The following TAFA5 variants were observed in gnomAD, a reference collection of about 807,000 sequenced individuals.
The protein encoded by TAFA5 is TAFA chemokine like family member 5, also known as chemokine-like protein TAFA-5.
In TAFA5, 6 loss-of-function variants were observed where a neutral mutation model predicts 15.3. That is an observed-to-expected ratio of 0.39 (90% CI 0.21 to 0.77). The LOEUF (loss-of-function observed/expected upper bound fraction) is 0.77, where lower values mean the gene tolerates loss of function less well. TAFA5 is among the 30% of genes least tolerant of loss of function. The probability of loss-of-function intolerance (pLI) is 0.41; values close to 1 mark genes in which losing one functional copy is unlikely to be tolerated. For missense variants in TAFA5, 161 were observed against 193.1 expected, an observed-to-expected ratio of 0.83 and a Z score of 0.98; for synonymous variants, 103 against 80.7, an observed-to-expected ratio of 1.28 and a Z score of -1.48.
chr22:48,749,668 GC>G (rs1479019917), intron 3 of TAFA5, among the ~76,000 whole-genome samples, 170 bp from the exon 4 acceptor site: 8 of 152,156 alleles, frequency 5.3e-5, no homozygotes, highest in African/African-American at 1.9e-4. Flanking sequence ...GGATTTGGGG[GC>G]ACTGTCTGGT....
rs979451911 is a variant in TAFA5 at position 48,742,268 on chromosome 22, G to A, written c.391-7571G>A. On this transcript the variant is annotated intron_variant, in intron 3 of 3. Transcript: ENST00000402357. This position sits in a 1 kb window ranked among gnomAD's most constrained non-coding sequence, Gnocchi z 6.2. ...GCCCCTCATCCTTCACCAGGCACAG[G>A]TGCACGGGGCCCCTGCCAGGTTCGG... 1.3e-5 allele frequency among the ~76,000 whole-genome samples: 2 copies of A among 152,098 alleles called. No homozygotes were observed. Among genetic ancestry groups the A allele is most frequent in the Non-Finnish European group, 2.9e-5 (2 of 68,020 alleles).
At chr22:48,511,853 G>A (rs866361712) in intron 1 of TAFA5, among the ~76,000 whole-genome samples, 9 of 152,362 alleles carry the variant, frequency 5.9e-5, no homozygotes, top group East Asian at 5.8e-4. Context: ...CCCCGAAGCC[G>A]AGGCTGATGT....
chr22:48,646,009 C>T (rs1372642813), intron 1 of TAFA5, among the ~76,000 whole-genome samples: 1 of 152,196 alleles, frequency 6.6e-6, no homozygotes, highest in Non-Finnish European at 1.5e-5. Flanking sequence ...AAATCCTGAA[C>T]CCTTTGGCAT....
chr22:48,683,199 A>T (rs1488043193), intron 2 of TAFA5, among the ~76,000 whole-genome samples: 2 of 151,968 alleles, frequency 1.3e-5, no homozygotes, highest in African/African-American at 4.8e-5. Flanking sequence ...ACACACACAC[A>T]CTCGGGGCAC....
intron 3 of TAFA5, among the ~76,000 whole-genome samples, chr22:48,716,523 T>C (rs1490702952): frequency 1.3e-5 from 2 of 151,416 alleles, no homozygotes; most frequent in East Asian, 3.9e-4. Flanking sequence ...TGTTGGGAGG[T>C]GGGGGGCCAG....
chr22:48,624,123 C>T (rs1042601387), intron 1 of TAFA5, among the ~76,000 whole-genome samples: 2 of 152,218 alleles, frequency 1.3e-5, no homozygotes, highest in Non-Finnish European at 2.9e-5. Context: ...ATGACCCTGA[C>T]AGTTTTGAGG....
chr22:48,575,677 C>G (rs1422765674), intron 1 of TAFA5, among the ~76,000 whole-genome samples: 2 of 146,014 alleles, frequency 1.4e-5, no homozygotes, highest in Non-Finnish European at 3.0e-5. Context: ...GACCTAGTCC[C>G]GGCCGCGGCG....
chr22:48,744,502 G>A (rs938346750), intron 3 of TAFA5, among the ~76,000 whole-genome samples: 39 of 152,158 alleles, frequency 2.6e-4, no homozygotes, highest in Admixed American at 1.6e-3. Context: ...GATTGGAGCC[G>A]GGTCCCAGTC....
At chr22:48,590,921 G>T (rs1358075269) in intron 1 of TAFA5, among the ~76,000 whole-genome samples, 1 of 150,910 alleles carries the variant, frequency 6.6e-6, no homozygotes, top group Non-Finnish European at 1.5e-5. Context: ...GCATGATCTT[G>T]GCTCACTGCA....
intron 3 of TAFA5, among the ~76,000 whole-genome samples, chr22:48,712,742 C>T (rs769075427): frequency 5.3e-5 from 8 of 152,336 alleles, no homozygotes; most frequent in South Asian, 2.1e-4. Flanking sequence ...CTTCTTGGCC[C>T]GCCACTCTGG....
chr22:48,686,635 G>A (rs1175179175), intron 2 of TAFA5, among the ~76,000 whole-genome samples: 2 of 152,240 alleles, frequency 1.3e-5, no homozygotes, highest in Non-Finnish European at 2.9e-5. Context: ...AGAATGGATG[G>A]ATGGATGGAC....
intron 1 of TAFA5, among the ~76,000 whole-genome samples, chr22:48,600,177 CAG>C (rs1271924319): frequency 2.6e-5 from 4 of 152,226 alleles, no homozygotes; most frequent in African/African-American, 9.6e-5. Context: ...TCCCCTGTGT[CAG>C]TGATCCTATG....
intron 2 of TAFA5, among the ~76,000 whole-genome samples, chr22:48,690,759 G>A (rs1033204261): frequency 5.9e-5 from 9 of 152,326 alleles, no homozygotes; most frequent in Non-Finnish European, 7.4e-5. Flanking sequence ...TGAGGCACAC[G>A]GAAAGTACAG....
chr22:48,628,347 C>G (rs913800989), intron 1 of TAFA5, among the ~76,000 whole-genome samples: 2 of 152,236 alleles, frequency 1.3e-5, no homozygotes, highest in Non-Finnish European at 2.9e-5. Flanking sequence ...CCAGCCCCTC[C>G]TGCTTCCTGG....
At chr22:48,528,801 G>A (rs1921865527) in intron 1 of TAFA5, among the ~76,000 whole-genome samples, 2 of 152,228 alleles carry the variant, frequency 1.3e-5, no homozygotes, top group Admixed American at 1.3e-4. Context: ...CTTGCACCAG[G>A]AGCACTGGGG....
intron 3 of TAFA5, among the ~76,000 whole-genome samples, chr22:48,710,395 C>T (rs1210438091): frequency 1.3e-5 from 2 of 152,188 alleles, no homozygotes; most frequent in Non-Finnish European, 2.9e-5. Flanking sequence ...TGCGTTCACC[C>T]AGAACGCCTG....
At chr22:48,508,255 A>T (rs957039263) in intron 1 of TAFA5, among the ~76,000 whole-genome samples, 20 of 152,180 alleles carry the variant, frequency 1.3e-4, no homozygotes, top group African/African-American at 4.6e-4. Context: ...TGCAGGAGAC[A>T]GGCTGGGAGA....
chr22:48,602,112 C>G (rs1291484658), intron 1 of TAFA5, among the ~76,000 whole-genome samples: 6 of 152,170 alleles, frequency 3.9e-5, no homozygotes, highest in Non-Finnish European at 8.8e-5. Flanking sequence ...GTGCCGACTC[C>G]CCAGCCTGCA....
chr22:48,601,804 C>T (rs759219211), intron 1 of TAFA5, among the ~76,000 whole-genome samples: 7 of 152,218 alleles, frequency 4.6e-5, no homozygotes, highest in African/African-American at 7.2e-5. Flanking sequence ...TGTGAGAGTG[C>T]GCCCTACGCC....
Sources: allele counts gnomAD v4.1 joint callset (sites outside exome capture counted in the v4.1 genomes callset), GRCh38; gene constraint gnomAD v4.1.1; non-coding constraint Gnocchi (gnomAD v3.1); transcripts MANE v1.5; gene names NCBI Gene and HGNC (gene_info 2026-07-23, HGNC 2026-07-21).